Variants in SLX4IP observed in about 807,000 individuals in gnomAD.
The protein encoded by SLX4IP is protein SLX4IP.
Under a neutral mutation model 32.9 loss-of-function variants are expected in SLX4IP, and 34 were observed. The ratio of observed to expected loss-of-function variants is 1.03; its 90% confidence interval spans 0.79 to 1.38. The LOEUF is 1.38. Ranked by LOEUF, SLX4IP falls within the 40% of genes most tolerant of loss-of-function variation. The probability of loss-of-function intolerance (pLI) is 0.00; values close to 1 mark genes in which losing one functional copy is unlikely to be tolerated. For missense variants in SLX4IP, 444 were observed against 479.0 expected (o/e 0.93, Z 0.68); for synonymous variants, 172 against 171.7 (o/e 1.00, Z -0.01).
chr20:10,511,487 T>C (rs1029862301), intron 2 of SLX4IP, among the ~76,000 whole-genome samples: 1 of 152,240 alleles, frequency 6.6e-6, no homozygotes, highest in African/African-American at 2.4e-5. Context: ...AAAGCTGAAA[T>C]CTGCCTCCTT....
chr20:10,578,270 G>T (rs893110344), intron 4 of SLX4IP, among the ~76,000 whole-genome samples: 10 of 152,082 alleles, frequency 6.6e-5, no homozygotes, highest in African/African-American at 7.2e-5. Flanking sequence ...CCAACCACCA[G>T]CTTACTTTCT....
intron 2 of SLX4IP, among the ~76,000 whole-genome samples, chr20:10,510,208 T>C (rs1342167444): frequency 6.6e-6 from 1 of 152,248 alleles, no homozygotes; most frequent in African/African-American, 2.4e-5. Flanking sequence ...TACTAGTCAC[T>C]CTTCTTGATT....
intron 2 of SLX4IP, among the ~76,000 whole-genome samples, chr20:10,509,651 G>A (rs1328779460): frequency 6.6e-6 from 1 of 151,966 alleles, no homozygotes; most frequent in Non-Finnish European, 1.5e-5. Context: ...GTTTACAGTG[G>A]TGAAAAAATG....
Position 10,622,806 on chromosome 20 carries a change from C to T in SLX4IP, c.654C>T (p.Ser218=), listed in dbSNP as rs2067127714. 1 of 1,613,964 alleles carries T rather than the reference C, an allele frequency of 6.2e-7. No individual in the cohort carries two copies. ...GQASSSPPSE[S]MGQAKDSIKA... ...CTTCCTCCAGTCCCCCATCAGAATC[C>T]ATGGGACAAGCAAAGGATTCCATAA... is the stretch of plus-strand genomic sequence containing the variant. The change falls in exon 8 of 8, where the codon TCC becomes TCT. Residue 218 remains serine, a synonymous_variant. Transcript: ENST00000334534.
rs61054747 is a variant in SLX4IP, at chr20:10,540,096, T to TTTCCTTCCTTCCTTCCTTCC, written c.28-16107_28-16088dup. ...TTCTTTCTTTTCTCTCCTTCCTTCC[T>TTTCCTTCCTTCCTTCCTTCC]TTCCTTCCTTCCTTCCTTCCTTCCT... On this transcript the variant is annotated intron_variant, in intron 2 of 7. Coordinates refer to ENST00000334534, the MANE Select transcript of SLX4IP (RefSeq NM_001009608.3). Among the ~76,000 whole-genome samples the TTTCCTTCCTTCCTTCCTTCC allele has an allele frequency of 1.5e-3, 168 of 111,808 alleles. 1 individual carries two copies. Among genetic ancestry groups the TTTCCTTCCTTCCTTCCTTCC allele is most frequent in the Non-Finnish European group, 2.5e-3 (126 of 51,318 alleles). 73.4% of individuals were successfully genotyped at this position (111,808 alleles called of 152,430 possible). A position where few individuals can be genotyped will look rare whatever the true frequency, so the allele number is the denominator to read the frequency against.
chr20:10,550,567 T>C (rs1171680126), intron 2 of SLX4IP, among the ~76,000 whole-genome samples: 1 of 152,074 alleles, frequency 6.6e-6, no homozygotes, highest in Non-Finnish European at 1.5e-5. Flanking sequence ...TCTGCCTGGC[T>C]CCAGTGATTT....
At chr20:10,517,482 A>G (rs2065860237) in intron 2 of SLX4IP, among the ~76,000 whole-genome samples, 1 of 152,200 alleles carries the variant, frequency 6.6e-6, no homozygotes, top group African/African-American at 2.4e-5. Context: ...GAAAATCTGA[A>G]GCATTGGTTT....
intron 4 of SLX4IP, among the ~76,000 whole-genome samples, chr20:10,576,614 A>T (rs2066526462): frequency 6.6e-6 from 1 of 152,212 alleles, no homozygotes; most frequent in Non-Finnish European, 1.5e-5. Flanking sequence ...CTCACGCATA[A>T]AAAATGAATG....
At chr20:10,469,698 G>A (rs1211563575) in intron 2 of SLX4IP, among the ~76,000 whole-genome samples, 3 of 152,126 alleles carry the variant, frequency 2.0e-5, no homozygotes, top group Non-Finnish European at 4.4e-5. Context: ...GGGCTGTAGG[G>A]GGCATCATTG....
chr20:10,502,743 G>A (rs1438244530), intron 2 of SLX4IP, among the ~76,000 whole-genome samples: 1 of 150,848 alleles, frequency 6.6e-6, no homozygotes, highest in African/African-American at 2.4e-5. Flanking sequence ...TCATACTCAA[G>A]TCATCATCTA....
chr20:10,436,833 C>G (rs1253873564), intron 1 of SLX4IP, among the ~76,000 whole-genome samples: 2 of 152,030 alleles, frequency 1.3e-5, no homozygotes, highest in East Asian at 1.9e-4. Context: ...TTTTGTCATC[C>G]CAATATACTT....
intron 4 of SLX4IP, among the ~76,000 whole-genome samples, chr20:10,587,522 A>C (rs2066659721): frequency 6.6e-6 from 1 of 152,152 alleles, no homozygotes. Context: ...GAGATGAAGA[A>C]AAGTCCCTTT....
chr20:10,525,729 C>T (rs1051049605), intron 2 of SLX4IP, among the ~76,000 whole-genome samples: 1 of 152,172 alleles, frequency 6.6e-6, no homozygotes, highest in Non-Finnish European at 1.5e-5. Flanking sequence ...CACATTTCTT[C>T]GTGTCTTCCT....
chr20:10,564,644 T>C (rs537979861), intron 4 of SLX4IP, among the ~76,000 whole-genome samples: 7 of 152,346 alleles, frequency 4.6e-5, no homozygotes, highest in Admixed American at 4.6e-4. Context: ...CATAAATGAC[T>C]TGGAGGCTGT....
rs768365604 is a variant in SLX4IP at position 10,540,101 on chromosome 20, TTCC to T, written c.28-16128_28-16126del. 9.1e-3 allele frequency among the ~76,000 whole-genome samples: 805 copies of T among 88,640 alleles called. 4 individuals carry two copies. The highest frequency in any genetic ancestry group is 0.014 in the Middle Eastern group (3 of 208). 58.2% of individuals were successfully genotyped at this position (88,640 alleles called of 152,430 possible). On this transcript the variant is annotated intron_variant, in intron 2 of 7. Transcript: ENST00000334534. ...TCTTTTCTCTCCTTCCTTCCTTTCC[TTCC>T]TTCCTTCCTTCCTTCCTTCCTTCCT...
intron 4 of SLX4IP, among the ~76,000 whole-genome samples, chr20:10,588,874 GA>G (rs2066675511): frequency 6.6e-6 from 1 of 152,154 alleles, no homozygotes; most frequent in Non-Finnish European, 1.5e-5. Flanking sequence ...ACACTGTGGT[GA>G]CTGTAGTTAA....
At chr20:10,499,525 A>C (rs1195093303) in intron 2 of SLX4IP, among the ~76,000 whole-genome samples, 1 of 152,200 alleles carries the variant, frequency 6.6e-6, no homozygotes, top group Non-Finnish European at 1.5e-5. Flanking sequence ...TGTCTGTTGT[A>C]TGAATGATAA....
chr20:10,544,337 GT>G (rs1222518886), intron 2 of SLX4IP, among the ~76,000 whole-genome samples: 1 of 152,162 alleles, frequency 6.6e-6, no homozygotes, highest in African/African-American at 2.4e-5. Flanking sequence ...GCAAGGCACT[GT>G]TTTATCTGTA....
At chr20:10,566,608 T>G (rs2066398208) in intron 4 of SLX4IP, among the ~76,000 whole-genome samples, 1 of 152,214 alleles carries the variant, frequency 6.6e-6, no homozygotes, top group Non-Finnish European at 1.5e-5. Context: ...GAGCCTATAT[T>G]GCATCCCTTA....
Sources: gnomAD v4.1 joint callset for allele counts (sites outside exome capture counted in the v4.1 genomes callset) on GRCh38, gnomAD v4.1.1 for gene constraint, MANE v1.5 for transcripts, NCBI Gene and HGNC (gene_info 2026-07-23, HGNC 2026-07-21) for gene names.